Variants in GALNT13 observed in about 807,000 individuals in gnomAD.
GALNT13 encodes the protein UDP-GalNAc:polypeptide N-acetylgalactosaminyltransferase 13.
A neutral mutation model predicts 64.2 loss-of-function variants in GALNT13; 28 were observed. The observed-to-expected ratio is 0.44, with a 90% CI of 0.32 to 0.60. The LOEUF (loss-of-function observed/expected upper bound fraction) is 0.60, where lower values mean the gene tolerates loss of function less well. GALNT13 is among the 20% of genes least tolerant of loss of function. The probability of loss-of-function intolerance (pLI) is 0.05; values close to 1 mark genes in which losing one functional copy is unlikely to be tolerated. For missense variants in GALNT13, 577 were observed against 669.8 expected (o/e 0.86, Z 1.53); for synonymous variants, 214 against 224.6 (o/e 0.95, Z 0.42).
At chr2:153,765,002 G>A in the GALNT13 span, among the ~76,000 whole-genome samples, 34 of 152,370 alleles carry the variant, frequency 2.2e-4, no homozygotes, top group South Asian at 6.2e-4. Context: ...TCCACCTAGC[G>A]TGCAGAAGAT....
chr2:154,057,349 C>T (rs1377319655), intron 3 of GALNT13, among the ~76,000 whole-genome samples: 1 of 152,086 alleles, frequency 6.6e-6, no homozygotes, highest in Non-Finnish European at 1.5e-5. Flanking sequence ...TATTTTAAAA[C>T]AATTTTAGAT....
chr2:153,945,999 G>T (rs1691712454), intron 3 of GALNT13, among the ~76,000 whole-genome samples: 1 of 152,126 alleles, frequency 6.6e-6, no homozygotes, highest in Non-Finnish European at 1.5e-5. Flanking sequence ...CAGTTATTCT[G>T]AGAGGGGAAC....
intron 4 of GALNT13, among the ~76,000 whole-genome samples, chr2:154,199,266 A>T (rs1687045203): frequency 6.6e-6 from 1 of 152,032 alleles, no homozygotes; most frequent in Non-Finnish European, 1.5e-5. Flanking sequence ...TAGTATACCT[A>T]TTATAGTATT....
intron 9 of GALNT13, among the ~76,000 whole-genome samples, chr2:154,354,070 G>T (rs746590849): frequency 2.6e-5 from 4 of 152,106 alleles, no homozygotes; most frequent in Non-Finnish European, 5.9e-5. Context: ...ACCACCGTTT[G>T]CTATCACTTG....
At chr2:153,465,921 C>G in the GALNT13 span, among the ~76,000 whole-genome samples, 1 of 152,048 alleles carries the variant, frequency 6.6e-6, no homozygotes, top group Non-Finnish European at 1.5e-5. Flanking sequence ...CCAAAATCTC[C>G]TAACTCAGGG....
chr2:153,948,006 T>C (rs954647410), intron 3 of GALNT13, among the ~76,000 whole-genome samples: 1 of 152,124 alleles, frequency 6.6e-6, no homozygotes, highest in Non-Finnish European at 1.5e-5. Context: ...TGTGAACTTA[T>C]TTCTGGGTTC....
At chr2:153,361,932 G>A in the GALNT13 span, among the ~76,000 whole-genome samples, 3 of 152,092 alleles carry the variant, frequency 2.0e-5, no homozygotes, top group African/African-American at 7.2e-5. Context: ...GATTGTCCAA[G>A]GTTGGAATGA....
chr2:154,169,791 A>T (rs931769653), intron 4 of GALNT13, among the ~76,000 whole-genome samples: 1 of 152,132 alleles, frequency 6.6e-6, no homozygotes. Context: ...TCGTAGCTTC[A>T]TAGCACCCAC....
intron 3 of GALNT13, among the ~76,000 whole-genome samples, chr2:154,030,000 G>A (rs1382768843): frequency 6.6e-6 from 1 of 152,102 alleles, no homozygotes; most frequent in East Asian, 1.9e-4. Context: ...GAGAGCTGAG[G>A]TAGAATAGTG....
At chr2:154,377,257 C>A (rs555738081) in intron 9 of GALNT13, among the ~76,000 whole-genome samples, 1 of 149,160 alleles carries the variant, frequency 6.7e-6, no homozygotes, top group East Asian at 2.0e-4. Flanking sequence ...TCAGTGATAT[C>A]TTTTCTGGGT....
At chr2:154,068,646 C>A (rs1700590104) in intron 3 of GALNT13, among the ~76,000 whole-genome samples, 1 of 151,968 alleles carries the variant, frequency 6.6e-6, no homozygotes, top group Non-Finnish European at 1.5e-5. Flanking sequence ...TTCCCATATT[C>A]TCACTTATTT....
chr2:153,245,968 G>C, the GALNT13 span, among the ~76,000 whole-genome samples: 1 of 152,032 alleles, frequency 6.6e-6, no homozygotes, highest in Non-Finnish European at 1.5e-5. Context: ...ACCTGATGGA[G>C]CTGAAAAACA....
chr2:153,944,627 C>G lies in GALNT13; in HGVS notation c.130C>G (p.Pro44Ala). The change falls in exon 3 of 13, where the codon CCT (proline) becomes GCT (alanine). Residue 44 changes from proline (P) to alanine (A), a missense_variant. Around this residue, in one of 3 missense-constraint regions of GALNT13, gnomAD observed 341 missense variants for 379.3 expected, o/e 0.90. Transcript: ENST00000392825. ...TGACAAGAAGGAGAGATCTCTGCTG[C>G]CTGCATTGAGGGGTAAGTGCTTATG... ...CDDKKERSLL[P>A]ALRAVISRNQ... 1 of 1,612,792 alleles carries G rather than the reference C, an allele frequency of 6.2e-7. No homozygotes were observed. The highest frequency in any genetic ancestry group is 8.5e-7 in the Non-Finnish European group (1 of 1,179,234).
At chr2:154,394,111 C>G (rs976943876) in intron 9 of GALNT13, among the ~76,000 whole-genome samples, 16 of 93,184 alleles carry the variant, frequency 1.7e-4, no homozygotes, top group African/African-American at 6.6e-4. Flanking sequence ...AAAAGGTATG[C>G]AAATGAAACT....
At chr2:154,052,037 T>G (rs931242086) in intron 3 of GALNT13, among the ~76,000 whole-genome samples, 1 of 152,158 alleles carries the variant, frequency 6.6e-6, no homozygotes, top group African/African-American at 2.4e-5. Context: ...ACTCCTCTGC[T>G]CATGTAAACA....
chr2:153,828,645 T>C, the GALNT13 span, among the ~76,000 whole-genome samples: 1 of 152,186 alleles, frequency 6.6e-6, no homozygotes, highest in Admixed American at 6.5e-5. Context: ...AAGGGGCTGC[T>C]GTGAAGAGCT....
At chr2:153,278,219 C>T in the GALNT13 span, among the ~76,000 whole-genome samples, 1 of 151,920 alleles carries the variant, frequency 6.6e-6, no homozygotes, top group African/African-American at 2.4e-5. Flanking sequence ...AGGCGTGAGC[C>T]ACCGTGTTTA....
At chr2:153,372,987 T>C in the GALNT13 span, among the ~76,000 whole-genome samples, 1 of 152,180 alleles carries the variant, frequency 6.6e-6, no homozygotes, top group Non-Finnish European at 1.5e-5. Flanking sequence ...TTTTGTGGAG[T>C]TGCATAAGAC....
the GALNT13 span, among the ~76,000 whole-genome samples, chr2:153,163,873 C>T: frequency 6.6e-6 from 1 of 151,624 alleles, no homozygotes; most frequent in Non-Finnish European, 1.5e-5. Context: ...CAAAAATTGG[C>T]CGGGCGTGGT....
Sources: gnomAD v4.1 joint callset for allele counts (sites outside exome capture counted in the v4.1 genomes callset) on GRCh38, gnomAD v4.1.1 for gene constraint, gnomAD v4.1.1 regional missense constraint, MANE v1.5 for transcripts, NCBI Gene and HGNC (gene_info 2026-07-23, HGNC 2026-07-21) for gene names.